The following C2orf76 variants were observed in gnomAD, a reference collection of about 807,000 sequenced individuals.
The protein encoded by C2orf76 is UPF0538 protein C2orf76.
A neutral mutation model predicts 16.9 loss-of-function variants in C2orf76; 23 were observed. The observed-to-expected ratio is 1.36, with a 90% CI of 0.98 to 1.93. C2orf76 has a LOEUF of 1.93. Among genes scored for constraint, C2orf76 ranks in the 30% most tolerant of loss-of-function variants. C2orf76 has a pLI of 0.00. For synonymous variants in C2orf76, 48 were observed against 52.3 expected, an observed-to-expected ratio of 0.92 and a Z score of 0.35; for missense variants, 152 against 152.6, an observed-to-expected ratio of 1.00 and a Z score of 0.02.
In C2orf76 at chr2:119,311,332, G is replaced by A. The variant is rs562726583; in HGVS notation, c.304+290C>T. 1.0e-4 allele frequency: 100 copies of A among 985,392 alleles called. 1 individual carries two copies. The African/African-American group carries it at 1.4e-3, about 14-fold the overall frequency. 61.0% of individuals were successfully genotyped at this position (985,392 alleles called of 1,614,324 possible). On this transcript the variant is annotated intron_variant, in intron 5 of 5. Transcript: ENST00000334816. ...GTGACAATGATAAGAGTAAGTAGAC[G>A]TGGTACTTACAACCCGTCACTTAAA...
intron 1 of C2orf76, among the ~76,000 whole-genome samples, chr2:119,360,165 A>G (rs1680698393): frequency 6.6e-6 from 1 of 152,216 alleles, no homozygotes; most frequent in African/African-American, 2.4e-5. Flanking sequence ...TTTTTTAGCA[A>G]TCAAGTATCT....
intron 1 of C2orf76, among the ~76,000 whole-genome samples, chr2:119,353,882 G>A (rs189555284): frequency 5.9e-5 from 9 of 152,202 alleles, no homozygotes; most frequent in Non-Finnish European, 8.8e-5. Context: ...TTCTTTTTAG[G>A]ACAGACTGGA....
At chr2:119,312,741 C>CTAT (rs767198352) in intron 4 of C2orf76, among the ~76,000 whole-genome samples, 35 of 151,782 alleles carry the variant, frequency 2.3e-4, no homozygotes, top group Non-Finnish European at 4.6e-4. Flanking sequence ...TTTAAACTTG[C>CTAT]TATTGACTGG....
chr2:119,297,470 CAAG>C (rs1001671526), downstream of C2orf76, among the ~76,000 whole-genome samples: 36 of 152,282 alleles, frequency 2.4e-4, no homozygotes, highest in South Asian at 1.9e-3. Context: ...AGTGACCTTG[CAAG>C]AAGAGGATTT....
At chr2:119,323,120 G>A (rs971914692) in intron 2 of C2orf76, among the ~76,000 whole-genome samples, 20 of 151,856 alleles carry the variant, frequency 1.3e-4, no homozygotes, top group African/African-American at 4.1e-4. Context: ...GGGCCCAAGC[G>A]ATCCTCCCAC....
In C2orf76 at chr2:119,302,328, T is replaced by C. The variant is rs1678640889; in HGVS notation, c.*144A>G. The C allele has an allele frequency of 7.7e-6, 3 of 389,008 alleles. No homozygotes were observed. The South Asian group carries it at 3.2e-4, about 41-fold the overall frequency. 24.1% of individuals were successfully genotyped at this position (389,008 alleles called of 1,614,324 possible). Reference sequence around the variant, plus strand: ...AAAAAGAAAGAGAGAAGGAAAGACCTGAAGAGAAAGAAATAACCAGATTTT... The same window carrying C: ...AAAAAGAAAGAGAGAAGGAAAGACCCGAAGAGAAAGAAATAACCAGATTTT... On this transcript the variant is annotated 3_prime_UTR_variant, in exon 6 of 6. Transcript: ENST00000334816.
chr2:119,339,561 A>G (rs141753652), intron 2 of C2orf76, among the ~76,000 whole-genome samples: 23 of 146,216 alleles, frequency 1.6e-4, no homozygotes, highest in African/African-American at 5.6e-4. Context: ...ACAAACCTAG[A>G]TATTACTTTT....
Position 119,317,470 on chromosome 2 carries a change from G to A in C2orf76, c.218C>T (p.Ser73Leu). 1 of 1,601,418 alleles carries A rather than the reference G, an allele frequency of 6.2e-7. No homozygotes were observed. The highest frequency in any genetic ancestry group is 1.1e-5 in the South Asian group (1 of 89,412). Residue 73 changes from serine to leucine, a missense_variant, in exon 4 of 6, where the codon TCA becomes TTA. Ser to Leu is a moderately radical substitution (Grantham distance 145, BLOSUM62 -2). Coordinates refer to ENST00000334816, the MANE Select transcript of C2orf76 (RefSeq NM_001322331.2). Reference sequence around the variant, plus strand: ...TACTGTACCTGTGGAACATACCTTTGATTTATGTGCTTGATGAATAATCTT... The same window carrying A: ...TACTGTACCTGTGGAACATACCTTTAATTTATGTGCTTGATGAATAATCTT... ...ALKIIHQAHK[S>L]KTNELVLSLE...
intron 1 of C2orf76, among the ~76,000 whole-genome samples, chr2:119,360,541 A>C (rs1458699085): frequency 1.6e-4 from 24 of 151,196 alleles, no homozygotes; most frequent in Non-Finnish European, 1.5e-5. Flanking sequence ...TGCACACTTT[A>C]TAACAGACTA....
chr2:119,363,438 C>CA (rs767310960), intron 1 of C2orf76, among the ~76,000 whole-genome samples: 2,509 of 137,950 alleles, frequency 0.018, 56 homozygotes, highest in African/African-American at 0.056. Flanking sequence ...AAAAAAAAGG[C>CA]AAAAAAAAAA....
intron 2 of C2orf76, among the ~76,000 whole-genome samples, chr2:119,328,615 A>G (rs751919268): frequency 6.6e-6 from 1 of 151,740 alleles, no homozygotes; most frequent in African/African-American, 2.4e-5. Context: ...GATCATTATT[A>G]TTTCTTTTAT....
the C2orf76 span, among the ~76,000 whole-genome samples, chr2:119,286,248 G>GGCC: frequency 7.8e-6 from 1 of 128,120 alleles, no homozygotes; most frequent in African/African-American, 3.0e-5. Flanking sequence ...AAAAAAAAAA[G>GGCC]CAAGGCCACA....
At chr2:119,351,997 A>G (rs1680423240) in intron 1 of C2orf76, among the ~76,000 whole-genome samples, 1 of 152,246 alleles carries the variant, frequency 6.6e-6, no homozygotes, top group Non-Finnish European at 1.5e-5. Flanking sequence ...ATGGTATTCG[A>G]AGAAAGCATC....
chr2:119,321,910 T>C (rs1488610032), intron 2 of C2orf76, among the ~76,000 whole-genome samples: 1 of 151,988 alleles, frequency 6.6e-6, no homozygotes, highest in Non-Finnish European at 1.5e-5. Flanking sequence ...GAGCCCCTTA[T>C]GGGTCTTTGG....
At chr2:119,340,998 C>T (rs1252815887) in intron 1 of C2orf76, among the ~76,000 whole-genome samples, 1 of 151,940 alleles carries the variant, frequency 6.6e-6, no homozygotes, top group Non-Finnish European at 1.5e-5. Context: ...GAAAACACAT[C>T]AGAAGCCCCA....
At chr2:119,297,242 G>A (rs1039284020), downstream of C2orf76, among the ~76,000 whole-genome samples, 1 of 152,184 alleles carries the variant, frequency 6.6e-6, no homozygotes, top group African/African-American at 2.4e-5. Context: ...ACAGTCTACT[G>A]TGTGGATTAA....
chr2:119,306,708 A>T (rs1363418379), intron 5 of C2orf76, among the ~76,000 whole-genome samples: 1 of 152,158 alleles, frequency 6.6e-6, no homozygotes, highest in Non-Finnish European at 1.5e-5. Flanking sequence ...TATAAGTAAC[A>T]TTTCTAGGTA....
intron 5 of C2orf76, 21 bp downstream of exon 5, chr2:119,311,601 A>G (rs1678990078): frequency 1.2e-6 from 2 of 1,609,010 alleles, no homozygotes; most frequent in Non-Finnish European, 1.7e-6. Context: ...CCCTCCAGCA[A>G]CACAAGGCCC....
the C2orf76 span, among the ~76,000 whole-genome samples, chr2:119,283,938 G>T: frequency 2.0e-5 from 3 of 152,204 alleles, no homozygotes; most frequent in African/African-American, 4.8e-5. Flanking sequence ...ACACAAGCAA[G>T]TCCCATGCAA....
Sources: allele counts gnomAD v4.1 joint callset (sites outside exome capture counted in the v4.1 genomes callset), GRCh38; gene constraint gnomAD v4.1.1; transcripts MANE v1.5; gene names NCBI Gene and HGNC (gene_info 2026-07-23, HGNC 2026-07-21).